Variants in RELN observed in about 807,000 individuals in gnomAD.
The protein encoded by RELN is reelin.
RELN carries 108 observed loss-of-function variants against 427.6 expected under a neutral mutation model. The ratio of observed to expected loss-of-function variants is 0.25; its 90% CI spans 0.22 to 0.30. The LOEUF (loss-of-function observed/expected upper bound fraction) is 0.30. RELN is among the 10% of genes least tolerant of loss of function. The pLI is 1.00. For missense variants in RELN, 3,715 were observed against 4,302.8 expected (o/e 0.86, Z 3.82); for synonymous variants, 1,524 against 1,513.4 (o/e 1.01, Z -0.16).
At chr7:103,746,778 G>A (rs1790845292) in intron 6 of RELN, among the ~76,000 whole-genome samples, 1 of 150,822 alleles carries the variant, frequency 6.6e-6, no homozygotes, top group African/African-American at 2.5e-5. Context: ...GTGCTGGAGA[G>A]GATGTGGAGA....
At chr7:103,805,841 AG>A (rs1249445493) in intron 3 of RELN, among the ~76,000 whole-genome samples, 1 of 152,196 alleles carries the variant, frequency 6.6e-6, no homozygotes, top group Non-Finnish European at 1.5e-5. Context: ...AATAACAAGG[AG>A]GGGCTAGAGA....
At position 103,561,959 on chromosome 7, in the gene RELN, CAAAAAAA is replaced by C. The variant is rs34125550; in HGVS notation, c.5211-13_5211-7del. 9.9e-6 allele frequency: 13 copies of C among 1,315,194 alleles called. No homozygotes were observed. The highest frequency in any genetic ancestry group is 7.6e-5 in the African/African-American group (4 of 52,722). 81.5% of individuals were successfully genotyped at this position (1,315,194 alleles called of 1,614,324 possible). On this transcript the variant is annotated splice_region_variant and splice_polypyrimidine_tract_variant and intron_variant, in intron 34 of 64. Coordinates refer to ENST00000428762, the MANE Select transcript of RELN (RefSeq NM_005045.4). ...TGAACCGGGTCCTGGGAGAACTAAC[CAAAAAAA>C]AAAAAAAAAAAACACACCACTGGTT... is the stretch of plus-strand genomic sequence containing the variant.
Position 103,958,391 on chromosome 7 carries a change from CCTT to C in RELN, c.226+30737_226+30739del, listed in dbSNP as rs1185428661. On this transcript the variant is annotated intron_variant, in intron 1 of 64. Coordinates refer to ENST00000428762, the MANE Select transcript of RELN (RefSeq NM_005045.4). The stretch of plus-strand genomic sequence containing the variant: ...TTAAGGTCTGATTTGTGACAGATTT[CCTT>C]CAAGTCTGAAGAGAGTCCATGTGTA... Among the ~76,000 whole-genome samples the C allele has an allele frequency of 2.0e-5, 3 of 152,178 alleles. No homozygotes were observed. In the East Asian group the frequency reaches 5.8e-4, roughly 29 times the overall value.
intron 3 of RELN, among the ~76,000 whole-genome samples, chr7:103,782,296 C>T (rs1407146408): frequency 1.3e-5 from 2 of 152,092 alleles, no homozygotes; most frequent in South Asian, 2.1e-4. Context: ...AAGAATTAAG[C>T]GTGCATTCTG....
At chr7:103,682,834 T>C (rs1300888351) in intron 10 of RELN, among the ~76,000 whole-genome samples, 3 of 152,128 alleles carry the variant, frequency 2.0e-5, no homozygotes, top group Non-Finnish European at 1.5e-5. Flanking sequence ...GTGCATACTA[T>C]CCCAAATGAG....
At chr7:103,809,826 G>A (rs7790872) in intron 3 of RELN, among the ~76,000 whole-genome samples, 21,290 of 152,080 alleles carry the variant, frequency 0.14, 1,580 homozygotes, top group African/African-American at 0.16. Context: ...GAGATATGGA[G>A]GAACATTTAG....
chr7:103,909,784 T>G (rs1489291787), intron 2 of RELN, among the ~76,000 whole-genome samples: 1 of 81,316 alleles, frequency 1.2e-5, no homozygotes, highest in Non-Finnish European at 2.4e-5. Flanking sequence ...TATATAAATA[T>G]ATATATTAAA....
intron 48 of RELN, among the ~76,000 whole-genome samples, chr7:103,520,957 ATTTTTTTT>A (rs55830035): frequency 6.6e-4 from 52 of 79,210 alleles, no homozygotes; most frequent in Admixed American, 1.3e-3. Context: ...TAAATTTGTT[ATTTTTTTT>A]TTTTTTTTTT....
At chr7:103,842,167 T>A (rs1793567347) in intron 2 of RELN, among the ~76,000 whole-genome samples, 1 of 152,116 alleles carries the variant, frequency 6.6e-6, no homozygotes. Context: ...AAGCTAAGAA[T>A]GGCACAAATA....
At chr7:103,612,849 G>A (rs1831992741) in intron 20 of RELN, among the ~76,000 whole-genome samples, 1 of 152,058 alleles carries the variant, frequency 6.6e-6, no homozygotes. Context: ...AACTGCTCAG[G>A]AGCTTGTAAT....
chr7:103,793,904 C>T (rs934723380), intron 3 of RELN, among the ~76,000 whole-genome samples: 1 of 152,046 alleles, frequency 6.6e-6, no homozygotes, highest in Non-Finnish European at 1.5e-5. Context: ...GTAGCTGGAA[C>T]TACAGGTGCA....
At chr7:103,754,019 T>C (rs927857524) in intron 4 of RELN, among the ~76,000 whole-genome samples, 1 of 152,132 alleles carries the variant, frequency 6.6e-6, no homozygotes, top group Admixed American at 6.5e-5. Flanking sequence ...TTTTTGATAC[T>C]CAATTCAGTT....
intron 1 of RELN, among the ~76,000 whole-genome samples, chr7:103,986,989 T>C (rs144165300): frequency 4.2e-4 from 62 of 148,034 alleles, no homozygotes; most frequent in African/African-American, 1.2e-3. Context: ...TTTTTTAAAT[T>C]AATTTTCAAA....
chr7:103,597,338 C>T (rs146388469), intron 24 of RELN, among the ~76,000 whole-genome samples: 41 of 152,244 alleles, frequency 2.7e-4, no homozygotes, highest in African/African-American at 9.6e-4. Context: ...CGCGGTGGCT[C>T]ATGCCTGTAA....
intron 2 of RELN, among the ~76,000 whole-genome samples, chr7:103,906,363 T>G (rs1255232913): frequency 6.6e-6 from 1 of 152,010 alleles, no homozygotes; most frequent in African/African-American, 2.4e-5. Context: ...TATAGTAGAA[T>G]TTTTTTTAGG....
At chr7:103,702,763 T>G (rs927350811) in intron 8 of RELN, among the ~76,000 whole-genome samples, 2 of 152,220 alleles carry the variant, frequency 1.3e-5, no homozygotes, top group African/African-American at 4.8e-5. Context: ...TCACTGGCTC[T>G]TGCCAGATCT....
chr7:103,518,827 C>A (rs1437054506), intron 49 of RELN, among the ~76,000 whole-genome samples: 1 of 151,956 alleles, frequency 6.6e-6, no homozygotes, highest in Admixed American at 6.6e-5. Context: ...TTGCTTTCGG[C>A]CCTTCAGTAC....
At chr7:103,755,815 G>GAAAAAAAAA (rs4006762) in intron 4 of RELN, among the ~76,000 whole-genome samples, 3 of 103,500 alleles carry the variant, frequency 2.9e-5, no homozygotes, top group Non-Finnish European at 5.5e-5. Flanking sequence ...TCCACCTCAA[G>GAAAAAAAAA]AAAAAAAAAA....
intron 2 of RELN, among the ~76,000 whole-genome samples, chr7:103,852,501 A>G (rs1338240908): frequency 6.6e-6 from 1 of 152,170 alleles, no homozygotes; most frequent in East Asian, 1.9e-4. Context: ...TTACATAATC[A>G]ATGTATGTAA....
Sources: gnomAD v4.1 joint callset for allele counts (sites outside exome capture counted in the v4.1 genomes callset) on GRCh38, gnomAD v4.1.1 for gene constraint, MANE v1.5 for transcripts, NCBI Gene and HGNC (gene_info 2026-07-23, HGNC 2026-07-21) for gene names.